The following RNF150 variants were observed in gnomAD, a reference collection of about 807,000 sequenced individuals.
RNF150 encodes ring finger protein 150.
RNF150 carries 24 observed loss-of-function variants against 39.3 expected under a neutral mutation model. The observed-to-expected ratio is 0.61, with a 90% CI of 0.44 to 0.86. The LOEUF (loss-of-function observed/expected upper bound fraction) is 0.86. Ranked by LOEUF, RNF150 falls within the 40% of genes least tolerant of loss-of-function variation. RNF150 has a pLI of 0.00. For synonymous variants in RNF150, 255 were observed against 227.3 expected, an observed-to-expected ratio of 1.12 and a Z score of -1.10; for missense variants, 502 against 587.8, an observed-to-expected ratio of 0.85 and a Z score of 1.51.
intron 1 of RNF150, among the ~76,000 whole-genome samples, chr4:141,004,026 A>T (rs1560682286): frequency 6.6e-6 from 1 of 152,180 alleles, no homozygotes; most frequent in Non-Finnish European, 1.5e-5. Flanking sequence ...TTCTGAATTC[A>T]GTCTACTAAA....
At chr4:140,929,418 G>A (rs1451614051) in intron 4 of RNF150, among the ~76,000 whole-genome samples, 2 of 131,650 alleles carry the variant, frequency 1.5e-5, no homozygotes, top group Non-Finnish European at 3.1e-5. Context: ...CCAGGCTGGA[G>A]TGCAGTGGCG....
chr4:141,150,752 A>G (rs1197950050), intron 1 of RNF150, among the ~76,000 whole-genome samples: 1 of 152,156 alleles, frequency 6.6e-6, no homozygotes, highest in African/African-American at 2.4e-5. Flanking sequence ...CTCCTACTAG[A>G]ATGTAAATCT....
chr4:141,116,124 A>G (rs1369419218), intron 1 of RNF150, among the ~76,000 whole-genome samples: 2 of 152,230 alleles, frequency 1.3e-5, no homozygotes, highest in Non-Finnish European at 2.9e-5. Context: ...ATGGCAACAA[A>G]AGCCAAAATT....
chr4:141,104,787 A>G (rs1247160451), intron 1 of RNF150, among the ~76,000 whole-genome samples: 1 of 152,234 alleles, frequency 6.6e-6, no homozygotes, highest in African/African-American at 2.4e-5. Context: ...TCTAAAGTAC[A>G]CCAGTTTATA....
intron 1 of RNF150, among the ~76,000 whole-genome samples, chr4:140,995,483 C>A (rs1424525047): frequency 6.6e-6 from 1 of 152,156 alleles, no homozygotes; most frequent in Non-Finnish European, 1.5e-5. Context: ...GTCATCAGGT[C>A]ATTGCCATAG....
At chr4:141,086,010 C>A (rs4956503) in intron 1 of RNF150, among the ~76,000 whole-genome samples, 113,502 of 150,426 alleles carry the variant, frequency 0.75, 43,252 homozygotes, top group East Asian at 1. Context: ...GGAGCTTAAA[C>A]GATAAGTGAG....
At chr4:141,003,947 G>A (rs1310274864) in intron 1 of RNF150, among the ~76,000 whole-genome samples, 1 of 152,100 alleles carries the variant, frequency 6.6e-6, no homozygotes, top group East Asian at 1.9e-4. Context: ...CATCAGGAGA[G>A]GAAGGACAAT....
chr4:141,087,219 A>C (rs1407935692), intron 1 of RNF150, among the ~76,000 whole-genome samples: 1 of 152,166 alleles, frequency 6.6e-6, no homozygotes, highest in Non-Finnish European at 1.5e-5. Context: ...TCGCACTTAT[A>C]AGTTAGAACA....
At chr4:141,066,898 A>G (rs1737482605) in intron 1 of RNF150, among the ~76,000 whole-genome samples, 1 of 152,198 alleles carries the variant, frequency 6.6e-6, no homozygotes, top group Admixed American at 6.5e-5. Flanking sequence ...ATGTACTTAT[A>G]CAAACCTAGA....
At chr4:141,078,789 C>CAAAAAAA (rs150748282) in intron 1 of RNF150, among the ~76,000 whole-genome samples, 10 of 63,860 alleles carry the variant, frequency 1.6e-4, no homozygotes, top group African/African-American at 5.3e-4. Context: ...AACTCCGTCT[C>CAAAAAAA]AAAAAAAAAA....
chr4:141,112,151 G>T (rs1209504293), intron 1 of RNF150, among the ~76,000 whole-genome samples: 1 of 152,114 alleles, frequency 6.6e-6, no homozygotes, highest in Non-Finnish European at 1.5e-5. Flanking sequence ...TACAGATGAG[G>T]ACTATAATAT....
chr4:141,136,292 T>G (rs917908471), upstream of RNF150, among the ~76,000 whole-genome samples: 1 of 152,178 alleles, frequency 6.6e-6, no homozygotes, highest in South Asian at 2.1e-4. Flanking sequence ...TGGGGGGCTA[T>G]GTACATTGAA....
chr4:140,925,402 G>T (rs1454762710), intron 5 of RNF150, among the ~76,000 whole-genome samples: 1 of 152,144 alleles, frequency 6.6e-6, no homozygotes. Context: ...TCAACTGGGG[G>T]AACCCGTTAA....
At chr4:141,045,041 T>C (rs1029999987) in intron 1 of RNF150, among the ~76,000 whole-genome samples, 10 of 152,242 alleles carry the variant, frequency 6.6e-5, no homozygotes, top group African/African-American at 2.4e-4. Flanking sequence ...TACATCCCAA[T>C]GGTATTCCCA....
intron 1 of RNF150, among the ~76,000 whole-genome samples, chr4:141,030,389 T>G (rs1410169510): frequency 6.6e-6 from 1 of 152,152 alleles, no homozygotes; most frequent in Non-Finnish European, 1.5e-5. Flanking sequence ...GAAAACAGTT[T>G]GACAGTTCCC....
rs139361013 is a variant in RNF150 at position 141,000,106 on chromosome 4, AGAGGAG to A, written c.485-32239_485-32234del. Among the ~76,000 whole-genome samples, 29 of 144,274 alleles carry A rather than the reference AGAGGAG, an allele frequency of 2.0e-4. 4 individuals carry two copies. The highest frequency in any genetic ancestry group is 3.1e-4 in the Non-Finnish European group (20 of 64,824). The allele number at this position is 144,274 out of a possible 152,430, so 94.6% of individuals were successfully genotyped here. ...AAGAAGGAGAAGAAGAAGAAGAAGAAGAGGAGGAAGAAGAAGAAGAAGAAAACATTT... is the reference window on the plus strand; with the variant it reads ...AAGAAGGAGAAGAAGAAGAAGAAGAAGAAGAAGAAGAAGAAGAAAACATTT... On this transcript the variant is annotated intron_variant, in intron 1 of 6. Coordinates refer to ENST00000515673, the MANE Select transcript of RNF150 (RefSeq NM_020724.2).
chr4:141,156,734 T>TAA (rs3081645), intron 1 of RNF150, among the ~76,000 whole-genome samples: 50,271 of 96,368 alleles, frequency 0.52, 13,749 homozygotes, highest in East Asian at 0.79. Flanking sequence ...TCTCTACTAC[T>TAA]AAAAAAAAAA....
intron 1 of RNF150, among the ~76,000 whole-genome samples, chr4:141,004,666 C>T (rs1734800360): frequency 1.3e-5 from 2 of 152,088 alleles, no homozygotes; most frequent in South Asian, 4.2e-4. Context: ...TTATAATAAT[C>T]CTTTACATAT....
At chr4:141,117,145 T>TA (rs1352990250) in intron 1 of RNF150, among the ~76,000 whole-genome samples, 1 of 152,074 alleles carries the variant, frequency 6.6e-6, no homozygotes, top group Non-Finnish European at 1.5e-5. Context: ...TAAAGTATAA[T>TA]AAAAAAATAT....
Sources: gnomAD v4.1 joint callset for allele counts (sites outside exome capture counted in the v4.1 genomes callset) on GRCh38, gnomAD v4.1.1 for gene constraint, MANE v1.5 for transcripts, NCBI Gene and HGNC (gene_info 2026-07-23, HGNC 2026-07-21) for gene names.